Variants in CDKN2B-AS1 observed in about 807,000 individuals in gnomAD.
CDKN2B-AS1 encodes CDKN2B antisense RNA 1 (non-protein coding).
intron 1 of CDKN2B-AS1, chr9:22,012,500 G>T: frequency 1.5e-6 from 1 of 668,806 alleles, no homozygotes; most frequent in South Asian, 1.4e-5. Context: ...GAAGAAGTGT[G>T]GCCACACCAA....
intron 4 of CDKN2B-AS1, among the ~76,000 whole-genome samples, chr9:22,093,497 G>A (rs1339907648): frequency 8.1e-6 from 1 of 123,876 alleles, no homozygotes; most frequent in Non-Finnish European, 1.6e-5. Context: ...TATGAATCTT[G>A]GTGCTCCTGT....
intron 4 of CDKN2B-AS1, among the ~76,000 whole-genome samples, chr9:22,122,213 G>A (rs1354148131): frequency 2.6e-5 from 4 of 151,898 alleles, no homozygotes; most frequent in African/African-American, 4.8e-5. Flanking sequence ...TTTGAGAAAC[G>A]TCTGTTCAGA....
At chr9:22,086,471 G>A (rs573474937) in intron 4 of CDKN2B-AS1, among the ~76,000 whole-genome samples, 9 of 152,282 alleles carry the variant, frequency 5.9e-5, no homozygotes, top group East Asian at 1.9e-4. Flanking sequence ...CCAAGCACAC[G>A]TGAGATGAAG....
chr9:22,107,671 C>G (rs1285082130), intron 4 of CDKN2B-AS1, among the ~76,000 whole-genome samples: 1 of 152,176 alleles, frequency 6.6e-6, no homozygotes, highest in African/African-American at 2.4e-5. Context: ...CCACCCAGCA[C>G]TGCAACCATA....
Position 22,104,233 on chromosome 9 carries a change from A to G in CDKN2B-AS1, n.439-22870A>G, listed in dbSNP as rs370204435. Reference sequence around the variant, plus strand: ...CGTGGAGGCCATAAAGAGGAATGACATTGTAAAGATTAACTGGATTTTACT... The same window carrying G: ...CGTGGAGGCCATAAAGAGGAATGACGTTGTAAAGATTAACTGGATTTTACT... On this transcript the variant is annotated intron_variant and non_coding_transcript_variant, in intron 4 of 4. Transcript: ENST00000650946. 6.6e-5 allele frequency among the ~76,000 whole-genome samples: 10 copies of G among 152,282 alleles called. No individual in the cohort carries two copies. The South Asian group carries it at 2.1e-3, about 32-fold the overall frequency.
chr9:22,110,487 T>G (rs1206680331), intron 4 of CDKN2B-AS1, among the ~76,000 whole-genome samples: 1 of 152,142 alleles, frequency 6.6e-6, no homozygotes, highest in Non-Finnish European at 1.5e-5. Flanking sequence ...TTTTTGCAAG[T>G]GTTACAAATA....
chr9:22,009,542 G>T (rs999561405), intron 1 of CDKN2B-AS1, among the ~76,000 whole-genome samples: 1 of 152,272 alleles, frequency 6.6e-6, no homozygotes, highest in African/African-American at 2.4e-5. Context: ...GTAAAGCCAA[G>T]GCTAATATTT....
exon 5 of CDKN2B-AS1, among the ~76,000 whole-genome samples, chr9:22,128,093 A>C (rs1202693427): frequency 6.6e-6 from 1 of 152,216 alleles, no homozygotes; most frequent in East Asian, 1.9e-4. Context: ...ATACCTATGC[A>C]TTATATTGGA....
At chr9:22,002,257 T>G (rs928690273) in intron 1 of CDKN2B-AS1, among the ~76,000 whole-genome samples, 2 of 152,040 alleles carry the variant, frequency 1.3e-5, no homozygotes, top group African/African-American at 4.8e-5. Flanking sequence ...GCTTTCACAT[T>G]TGCCCCAGTA....
chr9:22,096,125 A>G (rs1825267668), intron 4 of CDKN2B-AS1, among the ~76,000 whole-genome samples: 1 of 152,206 alleles, frequency 6.6e-6, no homozygotes, highest in African/African-American at 2.4e-5. Context: ...GGAATAGCAC[A>G]TGTAAGGCAA....
intron 4 of CDKN2B-AS1, among the ~76,000 whole-genome samples, chr9:22,125,368 A>G (rs1817999578): frequency 6.6e-6 from 1 of 152,256 alleles, no homozygotes; most frequent in Admixed American, 6.5e-5. Flanking sequence ...TTATTGAAAT[A>G]TTTATAAAAT....
intron 1 of CDKN2B-AS1, among the ~76,000 whole-genome samples, chr9:22,028,295 C>T (rs1355717322): frequency 6.6e-6 from 1 of 151,972 alleles, no homozygotes; most frequent in Non-Finnish European, 1.5e-5. Context: ...CAACTGATTG[C>T]AAACTGATTG....
chr9:22,028,237 T>G (rs1822321184), intron 1 of CDKN2B-AS1, among the ~76,000 whole-genome samples: 1 of 152,132 alleles, frequency 6.6e-6, no homozygotes, highest in Admixed American at 6.5e-5. Context: ...TAAAATATTT[T>G]TTGTTATATG....
At chr9:22,021,981 G>C (rs1196446550) in intron 1 of CDKN2B-AS1, among the ~76,000 whole-genome samples, 1 of 152,092 alleles carries the variant, frequency 6.6e-6, no homozygotes, top group East Asian at 1.9e-4. Flanking sequence ...GAATTTCTTA[G>C]TATTCATCTC....
At chr9:22,042,335 T>G (rs1822931647) in intron 1 of CDKN2B-AS1, among the ~76,000 whole-genome samples, 1 of 152,074 alleles carries the variant, frequency 6.6e-6, no homozygotes, top group Non-Finnish European at 1.5e-5. Context: ...ATTTTCTGCC[T>G]TCAAGGGTCT....
intron 1 of CDKN2B-AS1, among the ~76,000 whole-genome samples, chr9:22,010,246 C>G (rs1443648796): frequency 6.6e-6 from 1 of 152,094 alleles, no homozygotes; most frequent in Admixed American, 6.6e-5. Context: ...CTTTTTTTCC[C>G]CTTCCTAATC....
intron 1 of CDKN2B-AS1, among the ~76,000 whole-genome samples, chr9:22,015,454 C>T (rs965150533): frequency 6.6e-6 from 1 of 152,098 alleles, no homozygotes; most frequent in Admixed American, 6.5e-5. Flanking sequence ...TTTGGTCATT[C>T]TGAATCCTTT....
intron 4 of CDKN2B-AS1, among the ~76,000 whole-genome samples, chr9:22,056,829 A>C (rs1275808679): frequency 6.6e-6 from 1 of 152,116 alleles, no homozygotes; most frequent in Non-Finnish European, 1.5e-5. Context: ...AAAACTGTCT[A>C]CTCAACATCT....
Position 22,005,655 on chromosome 9 carries a change from C to G in CDKN2B-AS1, n.29+10494C>G, listed in dbSNP as rs1312288395. On this transcript the variant is annotated intron_variant and non_coding_transcript_variant, in intron 1 of 4. Coordinates refer to ENST00000650946, the Ensembl canonical transcript of CDKN2B-AS1. The surrounding 1 kb of genome is among the most constrained non-coding windows in gnomAD (Gnocchi z 4.9). The stretch of plus-strand genomic sequence containing the variant: ...TCATCCATCGGAAGATTCGTAGCCA[C>G]CAGGTCCAGTCAAGGATTTCATATG... The G allele has an allele frequency of 2.1e-6, 1 of 477,642 alleles. No homozygotes were observed. The highest frequency in any genetic ancestry group is 3.4e-5 in the Admixed American group (1 of 29,624). 29.6% of individuals were successfully genotyped at this position (477,642 alleles called of 1,614,324 possible).
Sources: allele counts gnomAD v4.1 joint callset (sites outside exome capture counted in the v4.1 genomes callset), GRCh38; gene constraint gnomAD v4.1.1; non-coding constraint Gnocchi (gnomAD v3.1); transcripts MANE v1.5; gene names NCBI Gene and HGNC (gene_info 2026-07-23, HGNC 2026-07-21).